The following KCNIP3 variants were observed in gnomAD, a reference collection of about 807,000 sequenced individuals.
KCNIP3 encodes the protein calsenilin.
In KCNIP3, 28 loss-of-function variants were observed where a neutral mutation model predicts 35.0. The observed-to-expected ratio is 0.80, with a 90% CI of 0.59 to 1.10. The LOEUF (loss-of-function observed/expected upper bound fraction) is 1.10, where lower values mean the gene tolerates loss of function less well. Ranked by LOEUF, KCNIP3 falls within the 50% of genes least tolerant of loss-of-function variation. KCNIP3 has a pLI of 0.00. For synonymous variants in KCNIP3, 134 were observed against 133.8 expected (o/e 1.00, Z -0.01); for missense variants, 295 against 338.4 (o/e 0.87, Z 1.01).
At chr2:95,347,971 C>A (rs1276030620) in intron 2 of KCNIP3, among the ~76,000 whole-genome samples, 14 of 152,354 alleles carry the variant, frequency 9.2e-5, no homozygotes, top group Non-Finnish European at 1.0e-4. Context: ...TGCCCAGCAG[C>A]CCCTCGGGCA....
chr2:95,374,742 A>G, intron 3 of KCNIP3, 106 bp from the exon 4 acceptor site: 1 of 1,316,636 alleles, frequency 7.6e-7, no homozygotes, highest in Non-Finnish European at 1.1e-6. Flanking sequence ...TGCCACAGGC[A>G]GCAGGCAGCC....
intron 2 of KCNIP3, among the ~76,000 whole-genome samples, chr2:95,370,693 G>C (rs1680020979): frequency 6.6e-6 from 1 of 152,154 alleles, no homozygotes; most frequent in South Asian, 2.1e-4. Context: ...TGTTTTTCCA[G>C]CCTGTGACTT....
At chr2:95,309,235 G>A (rs1019542823) in intron 1 of KCNIP3, among the ~76,000 whole-genome samples, 4 of 152,280 alleles carry the variant, frequency 2.6e-5, no homozygotes, top group Non-Finnish European at 4.4e-5. Flanking sequence ...GGCAGCCTGC[G>A]GTGCACCTCC....
intron 2 of KCNIP3, among the ~76,000 whole-genome samples, chr2:95,349,187 G>A (rs1679450974): frequency 6.6e-6 from 1 of 152,124 alleles, no homozygotes; most frequent in African/African-American, 2.4e-5. Flanking sequence ...AGCTCCCATT[G>A]GCCAGGCAGT....
At chr2:95,325,612 C>G (rs571319815) in intron 2 of KCNIP3, among the ~76,000 whole-genome samples, 5 of 151,496 alleles carry the variant, frequency 3.3e-5, no homozygotes, top group African/African-American at 9.7e-5. Flanking sequence ...CTCATACACA[C>G]GTACACACAC....
intron 2 of KCNIP3, among the ~76,000 whole-genome samples, chr2:95,362,431 C>A (rs927740974): frequency 1.3e-5 from 2 of 152,136 alleles, no homozygotes; most frequent in African/African-American, 2.4e-5. Flanking sequence ...ATAAGGCTAC[C>A]AATCTTATGG....
rs535697168 is a variant in KCNIP3, at chr2:95,344,567, C to A, written c.182-29729C>A. Among the ~76,000 whole-genome samples the A allele has an allele frequency of 1.8e-4, 28 of 152,348 alleles. No individual in the cohort carries two copies. The South Asian group carries it at 5.6e-3, about 30-fold the overall frequency. On this transcript the variant is annotated intron_variant, in intron 2 of 8. Transcript: ENST00000295225. ...GTTTATAGGCAGTCATCGAAGCTCTCACTGGGAACTGGGAAGATGCTCAGA... is the reference window on the plus strand; with the variant it reads ...GTTTATAGGCAGTCATCGAAGCTCTAACTGGGAACTGGGAAGATGCTCAGA...
At chr2:95,297,481 T>C in intron 1 of KCNIP3, 28 bp downstream of exon 1, 1 of 541,206 alleles carries the variant, frequency 1.8e-6, no homozygotes, top group Non-Finnish European at 2.8e-6. Context: ...GGGGTCTTGC[T>C]CTGGAGGGGG....
At chr2:95,309,325 T>G (rs1678255559) in intron 1 of KCNIP3, among the ~76,000 whole-genome samples, 1 of 151,942 alleles carries the variant, frequency 6.6e-6, no homozygotes, top group Admixed American at 6.6e-5. Context: ...TTGGGGGGCC[T>G]GAAATACGTT....
At chr2:95,381,821 AGAGACTGGCCCCAGG>A in intron 6 of KCNIP3, 118 bp downstream of exon 6, 4 of 738,526 alleles carry the variant, frequency 5.4e-6, no homozygotes, top group Non-Finnish European at 7.0e-6. Flanking sequence ...CTGTCCATCC[AGAGACTGGCCCCAGG>A]GACAGCAGCC....
chr2:95,347,012 G>A (rs770922666), intron 2 of KCNIP3: 27 of 1,601,344 alleles, frequency 1.7e-5, no homozygotes, highest in South Asian at 1.7e-4. Flanking sequence ...CAGGCAGCCC[G>A]GCTTGCCATG....
At chr2:95,372,741 G>A (rs1191256073) in intron 2 of KCNIP3, among the ~76,000 whole-genome samples, 1 of 152,212 alleles carries the variant, frequency 6.6e-6, no homozygotes, top group Non-Finnish European at 1.5e-5. Context: ...TCCATGGCTT[G>A]TGTCTTCTCA....
At chr2:95,353,402 C>T (rs890021484) in intron 2 of KCNIP3, among the ~76,000 whole-genome samples, 1 of 152,146 alleles carries the variant, frequency 6.6e-6, no homozygotes, top group Non-Finnish European at 1.5e-5. Context: ...GGCCAGAGCG[C>T]GAGGCAGCCA....
intron 2 of KCNIP3, among the ~76,000 whole-genome samples, chr2:95,324,784 G>A (rs1678695452): frequency 6.6e-6 from 1 of 151,520 alleles, no homozygotes; most frequent in Non-Finnish European, 1.5e-5. Flanking sequence ...AGTGGCGGGC[G>A]CCTGTAGTCC....
chr2:95,376,529 G>A lies in KCNIP3; in HGVS notation c.447+1321G>A, dbSNP rs1680201626. 6.6e-6 allele frequency among the ~76,000 whole-genome samples: 1 copy of A among 152,250 alleles called. No individual in the cohort carries two copies. Among genetic ancestry groups the A allele is most frequent in the Admixed American group, 6.5e-5 (1 of 15,284 alleles). ...GGCTGGGTCTGTCAGTGGCTGTGCT[G>A]TGGCCCCTCTGCTGGGCACCTTCTC... On this transcript the variant is annotated intron_variant, in intron 5 of 8. Transcript: ENST00000295225. This position sits in a 1 kb window ranked among gnomAD's most constrained non-coding sequence, Gnocchi z 4.2.
intron 2 of KCNIP3, among the ~76,000 whole-genome samples, chr2:95,319,951 C>A (rs1220877472): frequency 6.6e-6 from 1 of 152,172 alleles, no homozygotes; most frequent in Non-Finnish European, 1.5e-5. Flanking sequence ...AGGGCAAGAG[C>A]GGCAGGTTTG....
rs1680431653 is a variant in KCNIP3, at chr2:95,384,328, G to C, written c.*279G>C. The C allele has an allele frequency of 5.9e-6, 3 of 506,952 alleles. No homozygotes were observed. The highest frequency in any genetic ancestry group is 1.9e-5 in the African/African-American group (1 of 51,966). 31.4% of individuals were successfully genotyped at this position (506,952 alleles called of 1,614,324 possible). The stretch of plus-strand genomic sequence containing the variant: ...CAGCGAGGCGAGGCTGCCTCTGGGT[G>C]AGTGGCTGACAGAGCAGGTCTGCAG... On this transcript the variant is annotated 3_prime_UTR_variant, in exon 9 of 9. Transcript: ENST00000295225.
At chr2:95,297,963 G>A (rs1273345448) in intron 1 of KCNIP3, among the ~76,000 whole-genome samples, 1 of 152,222 alleles carries the variant, frequency 6.6e-6, no homozygotes, top group Non-Finnish European at 1.5e-5. Context: ...ACGAATGAGT[G>A]CCCACTTCCT....
chr2:95,348,671 G>T (rs191028070), intron 2 of KCNIP3, among the ~76,000 whole-genome samples: 5 of 152,316 alleles, frequency 3.3e-5, no homozygotes, highest in Admixed American at 2.6e-4. Flanking sequence ...GTATGCACAA[G>T]ATGACAGATG....
Sources: gnomAD v4.1 joint callset for allele counts (sites outside exome capture counted in the v4.1 genomes callset) on GRCh38, gnomAD v4.1.1 for gene constraint, Gnocchi (gnomAD v3.1) non-coding constraint, MANE v1.5 for transcripts, NCBI Gene and HGNC (gene_info 2026-07-23, HGNC 2026-07-21) for gene names.